The following MYBPC1 variants were observed in gnomAD, a reference collection of about 807,000 sequenced individuals.
MYBPC1 encodes myosin binding protein C1.
A neutral mutation model predicts 147.1 loss-of-function variants in MYBPC1; 52 were observed. That is an observed-to-expected ratio of 0.35 (90% CI 0.28 to 0.45). The LOEUF (loss-of-function observed/expected upper bound fraction) is 0.45. Among genes scored for constraint, MYBPC1 ranks in the 20% least tolerant of loss-of-function variants. The probability of loss-of-function intolerance (pLI) is 1.00; values close to 1 mark genes in which losing one functional copy is unlikely to be tolerated. For synonymous variants in MYBPC1, 477 were observed against 475.9 expected (o/e 1.00, Z -0.03); for missense variants, 1,228 against 1,440.3 (o/e 0.85, Z 2.39).
At chr12:101,634,915 C>A (rs1460368552) in intron 9 of MYBPC1, among the ~76,000 whole-genome samples, 2 of 152,156 alleles carry the variant, frequency 1.3e-5, no homozygotes, top group Admixed American at 1.3e-4. Flanking sequence ...TTACTTTCCA[C>A]CAAATGGCCA....
chr12:101,625,109 A>G (rs979628127), intron 3 of MYBPC1, among the ~76,000 whole-genome samples: 6 of 152,086 alleles, frequency 3.9e-5, no homozygotes, highest in Admixed American at 6.6e-5. Flanking sequence ...CTGACCATAC[A>G]TCACTGTGAT....
At position 101,678,286 on chromosome 12, in the gene MYBPC1, G is replaced by A. The variant is rs1228830706; in HGVS notation, c.3246+48G>A. On this transcript the variant is annotated intron_variant, in intron 28 of 31. Transcript: ENST00000361466. ...CAGTTAAAGTCCCTGTCTTGTATTT[G>A]TTGTGTTATAATGTAAGTAACAATG... 7 of 1,605,820 alleles carry A rather than the reference G, an allele frequency of 4.4e-6. No individual in the cohort carries two copies. The Admixed American group carries it at 5.0e-5, about 11-fold the overall frequency.
intron 3 of MYBPC1, among the ~76,000 whole-genome samples, chr12:101,625,998 G>A (rs1888497353): frequency 6.8e-6 from 1 of 147,526 alleles, no homozygotes; most frequent in African/African-American, 2.5e-5. Flanking sequence ...TGAGGCAGGA[G>A]AATCGCTTGA....
chr12:101,683,881 A>G (rs1344177116), intron 30 of MYBPC1, among the ~76,000 whole-genome samples: 1 of 152,186 alleles, frequency 6.6e-6, no homozygotes, highest in Non-Finnish European at 1.5e-5. Context: ...TAGATCAGTC[A>G]TATATATTCC....
intron 1 of MYBPC1, among the ~76,000 whole-genome samples, chr12:101,596,146 G>C (rs1172013634): frequency 6.6e-6 from 1 of 152,082 alleles, no homozygotes; most frequent in Non-Finnish European, 1.5e-5. Context: ...AAGGAACCTT[G>C]AAAAAGATGT....
chr12:101,676,006 AG>A (rs1310120369), intron 26 of MYBPC1, among the ~76,000 whole-genome samples: 7 of 152,376 alleles, frequency 4.6e-5, no homozygotes, highest in African/African-American at 1.7e-4. Context: ...CGTGGCCCAC[AG>A]GCCTCATGCA....
chr12:101,642,631 G>C, intron 11 of MYBPC1, 46 bp downstream of exon 11: 1 of 1,573,944 alleles, frequency 6.4e-7, no homozygotes, highest in South Asian at 1.2e-5. Context: ...GCGTGGCAGC[G>C]TTCGAAAGCC....
intron 3 of MYBPC1, among the ~76,000 whole-genome samples, chr12:101,625,350 G>T (rs560495789): frequency 6.6e-6 from 1 of 152,282 alleles, no homozygotes; most frequent in Non-Finnish European, 1.5e-5. Context: ...AGTTCAGTTG[G>T]TTTTATTCTA....
At chr12:101,639,281 G>A (rs886066034) in intron 10 of MYBPC1, among the ~76,000 whole-genome samples, 4 of 152,140 alleles carry the variant, frequency 2.6e-5, no homozygotes, top group African/African-American at 9.7e-5. Context: ...TATTATACAG[G>A]TCTATCCCGA....
At chr12:101,607,887 A>C (rs527827696) in intron 1 of MYBPC1, among the ~76,000 whole-genome samples, 36 of 152,342 alleles carry the variant, frequency 2.4e-4, no homozygotes, top group African/African-American at 8.4e-4. Flanking sequence ...CCTTTAAGTT[A>C]CTGGCCATGA....
At chr12:101,639,892 T>C (rs1358886885) in intron 10 of MYBPC1, among the ~76,000 whole-genome samples, 1 of 151,948 alleles carries the variant, frequency 6.6e-6, no homozygotes, top group Non-Finnish European at 1.5e-5. Context: ...TAATCCAGTA[T>C]GGCATAATTT....
At chr12:101,607,375 G>A (rs767661129) in intron 1 of MYBPC1, among the ~76,000 whole-genome samples, 18 of 152,136 alleles carry the variant, frequency 1.2e-4, no homozygotes, top group Non-Finnish European at 2.2e-4. Flanking sequence ...AGTTGGCCAG[G>A]TAGACCCTTC....
intron 22 of MYBPC1, among the ~76,000 whole-genome samples, chr12:101,663,919 T>A (rs1464218433): frequency 1.3e-5 from 2 of 152,222 alleles, no homozygotes; most frequent in African/African-American, 4.8e-5. Flanking sequence ...TTGGAAATTC[T>A]AAAACCTATA....
chr12:101,629,003 G>A, intron 5 of MYBPC1: 1 of 252,402 alleles, frequency 4.0e-6, no homozygotes, highest in Non-Finnish European at 7.8e-6. Flanking sequence ...CCCTCCAAAT[G>A]ACCTATCCGT....
In MYBPC1 at chr12:101,682,637, C is replaced by G; in HGVS notation, c.3467C>G (p.Pro1156Arg). ...IYQGVNTPGQ[P>R]VFLEGQQQSL... The stretch of plus-strand genomic sequence containing the variant: ...CAAGGAGTAAATACCCCTGGACAAC[C>G]AGTCTTCCTGGAGGGGCAGCAACAG... The change falls in exon 30 of 32, where the codon CCA (proline) becomes CGA (arginine). Residue 1156 changes from proline (P) to arginine (R), a missense_variant. By Grantham distance (103) the Pro-to-Arg change is moderately radical (BLOSUM62 -2). Around this residue, in one of 2 missense-constraint regions of MYBPC1, gnomAD observed 1,077 missense variants for 1,314.2 expected, o/e 0.82. Coordinates refer to ENST00000361466, the MANE Select transcript of MYBPC1 (RefSeq NM_002465.4). 1 of 1,613,246 alleles carries G rather than the reference C, an allele frequency of 6.2e-7. No individual in the cohort carries two copies. Among genetic ancestry groups the G allele is most frequent in the Non-Finnish European group, 8.5e-7 (1 of 1,179,272 alleles).
At chr12:101,629,617 A>G in intron 6 of MYBPC1, 73 bp downstream of exon 6, 1 of 963,782 alleles carries the variant, frequency 1.0e-6, no homozygotes, top group Non-Finnish European at 1.5e-6. Flanking sequence ...TCACGCCTGT[A>G]ATCCCAGCAC....
At position 101,642,567 on chromosome 12, in the gene MYBPC1, G is replaced by A. The variant is rs1892273698; in HGVS notation, c.814G>A (p.Glu272Lys). Reference protein sequence around the residue: ...MLKRLKRMRREEKKSAAFAKI... With the variant: ...MLKRLKRMRRKEKKSAAFAKI... ...CAAGCGACTCAAGCGCATGCGCAGA[G>A]AGGAGAAGAAGAGCGCAGGTGAGCG... Residue 272 changes from glutamate (E) to lysine (K), a missense_variant, in exon 11 of 32, where the codon GAG becomes AAG. Transcript: ENST00000361466. 12 of 1,612,300 alleles carry A rather than the reference G, an allele frequency of 7.4e-6. No homozygotes were observed. The highest frequency in any genetic ancestry group is 1.0e-5 in the Non-Finnish European group (12 of 1,179,314).
intron 3 of MYBPC1, among the ~76,000 whole-genome samples, chr12:101,619,048 T>C (rs1366923054): frequency 6.6e-6 from 1 of 152,064 alleles, no homozygotes; most frequent in Non-Finnish European, 1.5e-5. Flanking sequence ...GTCCTCTTCA[T>C]CAAGGACAGA....
intron 1 of MYBPC1, among the ~76,000 whole-genome samples, chr12:101,599,631 T>C (rs919488068): frequency 6.6e-6 from 1 of 152,216 alleles, no homozygotes; most frequent in Non-Finnish European, 1.5e-5. Flanking sequence ...ATACAAATAT[T>C]ATCCTTACCT....
Sources: allele counts gnomAD v4.1 joint callset (sites outside exome capture counted in the v4.1 genomes callset), GRCh38; gene constraint gnomAD v4.1.1; regional missense constraint gnomAD v4.1.1; transcripts MANE v1.5; gene names NCBI Gene and HGNC (gene_info 2026-07-23, HGNC 2026-07-21).